XDH: variants seen among roughly 807,000 people sequenced by gnomAD.
The protein encoded by XDH is xanthine dehydrogenase, also known as xanthine dehydrogenase/oxidase.
In XDH, 138 loss-of-function variants were observed where a neutral mutation model predicts 156.1. That is an observed-to-expected ratio of 0.88 (90% CI 0.77 to 1.02). The LOEUF (loss-of-function observed/expected upper bound fraction) is 1.02. Ranked by LOEUF, XDH falls within the 50% of genes least tolerant of loss-of-function variation. The pLI, the probability that XDH is intolerant of heterozygous loss-of-function variation, is 0.00. For synonymous variants in XDH, 669 were observed against 625.7 expected, an observed-to-expected ratio of 1.07 and a Z score of -1.03; for missense variants, 1,849 against 1,684.9, an observed-to-expected ratio of 1.10 and a Z score of -1.71.
At chr2:31,406,423 T>C (rs1324173801) in intron 1 of XDH, among the ~76,000 whole-genome samples, 1 of 152,184 alleles carries the variant, frequency 6.6e-6, no homozygotes, top group African/African-American at 2.4e-5. Context: ...TCTTTTCTTA[T>C]AATTACCCAG....
chr2:31,364,852 C>A (rs559273097), intron 23 of XDH, among the ~76,000 whole-genome samples: 16 of 152,150 alleles, frequency 1.1e-4, no homozygotes, highest in Non-Finnish European at 2.2e-4. Context: ...AGGTCAAAGG[C>A]CATGTTCAAG....
intron 6 of XDH, among the ~76,000 whole-genome samples, chr2:31,395,602 C>T (rs1686881621): frequency 6.6e-6 from 1 of 151,992 alleles, no homozygotes. Flanking sequence ...AGAGCACCCG[C>T]TCCATGACTG....
At chr2:31,409,653 A>C (rs1189835474) in intron 1 of XDH, among the ~76,000 whole-genome samples, 1 of 152,238 alleles carries the variant, frequency 6.6e-6, no homozygotes, top group Non-Finnish European at 1.5e-5. Flanking sequence ...AAAGATGCTG[A>C]ACATCACTAA....
At position 31,355,699 on chromosome 2, in the gene XDH, A is replaced by G. The variant is rs561295062; in HGVS notation, c.2632-5476T>C. Among the ~76,000 whole-genome samples the G allele has an allele frequency of 4.7e-4, 71 of 152,128 alleles. 1 individual carries two copies. Among genetic ancestry groups the G allele is most frequent in the Admixed American group, 3.0e-3 (46 of 15,262 alleles). ...GTAACCCACCCACAGCAAGGCACAC[A>G]AAAGAATACAGAGAAATGAAAAGCT... On this transcript the variant is annotated intron_variant, in intron 24 of 35. Coordinates refer to ENST00000379416, the MANE Select transcript of XDH (RefSeq NM_000379.4).
intron 25 of XDH, 41 bp from the exon 26 acceptor site, chr2:31,349,872 G>A (rs371879076): frequency 6.2e-7 from 1 of 1,612,810 alleles, no homozygotes; most frequent in African/African-American, 1.3e-5. Flanking sequence ...TTGGCGGCAA[G>A]AGACTGTGGG....
At chr2:31,372,897 C>T (rs45604535) in intron 16 of XDH, among the ~76,000 whole-genome samples, 6,362 of 151,454 alleles carry the variant, frequency 0.042, 435 homozygotes, top group African/African-American at 0.15. Context: ...AATTTGCTCT[C>T]GGAGGTGGAA....
intron 33 of XDH, among the ~76,000 whole-genome samples, chr2:31,340,874 G>A (rs1685106943): frequency 6.6e-6 from 1 of 152,104 alleles, no homozygotes; most frequent in South Asian, 2.1e-4. Context: ...TGCTCCCAGG[G>A]CCTTCCACCA....
intron 24 of XDH, among the ~76,000 whole-genome samples, chr2:31,363,178 G>A (rs1299192761): frequency 6.6e-6 from 1 of 152,148 alleles, no homozygotes; most frequent in African/African-American, 2.4e-5. Flanking sequence ...CAGGCATAGG[G>A]GTGCATGCCT....
chr2:31,390,807 G>A (rs987653839), intron 6 of XDH, among the ~76,000 whole-genome samples: 26 of 152,100 alleles, frequency 1.7e-4, no homozygotes, highest in African/African-American at 5.8e-4. Flanking sequence ...ACCTTCTTTG[G>A]TGAGGTAGCT....
chr2:31,347,186 A>G (rs1263300705), intron 29 of XDH, among the ~76,000 whole-genome samples: 13 of 152,146 alleles, frequency 8.5e-5, no homozygotes, highest in Admixed American at 5.2e-4. Flanking sequence ...AGTGTGGCCA[A>G]CCTGCCTCTA....
chr2:31,357,232 G>A (rs141948171), intron 24 of XDH, among the ~76,000 whole-genome samples: 41 of 152,162 alleles, frequency 2.7e-4, no homozygotes, highest in African/African-American at 8.7e-4. Flanking sequence ...CAGAGTGAAC[G>A]AAATAATAAG....
chr2:31,404,348 G>A (rs1000530237), intron 2 of XDH, among the ~76,000 whole-genome samples: 2 of 152,174 alleles, frequency 1.3e-5, no homozygotes, highest in African/African-American at 4.8e-5. Context: ...GCAGTACAAA[G>A]TCTAGCAAGG....
chr2:31,338,762 C>T (rs551783407), intron 34 of XDH, among the ~76,000 whole-genome samples: 4 of 112,320 alleles, frequency 3.6e-5, no homozygotes, highest in South Asian at 3.2e-4. Flanking sequence ...CTCGCTCTGT[C>T]GCCCAGGCTG....
chr2:31,386,454 C>G lies in XDH; in HGVS notation c.753G>C (p.Gln251His). 1 of 1,614,044 alleles carries G rather than the reference C, an allele frequency of 6.2e-7. No homozygotes were observed. The highest frequency in any genetic ancestry group is 8.5e-7 in the Non-Finnish European group (1 of 1,180,032). Residue 251 changes from glutamine to histidine, a missense_variant, in exon 9 of 36, where the codon CAG becomes CAC. Gln to His is a conservative substitution (Grantham distance 24). Coordinates refer to ENST00000379416, the MANE Select transcript of XDH (RefSeq NM_000379.4). ...TLKELLDLKA[Q>H]HPDAKLVVGN... ...CCACGACCAGCTTGGCGTCAGGGTG[C>G]TGAGCCTTGAGGTCCAGCAGCTCCT...
chr2:31,383,354 G>A (rs992275618), intron 10 of XDH, among the ~76,000 whole-genome samples: 4 of 152,130 alleles, frequency 2.6e-5, no homozygotes, highest in African/African-American at 9.7e-5. Context: ...CAGTACTCAA[G>A]CTTGGGCCTC....
intron 4 of XDH, among the ~76,000 whole-genome samples, chr2:31,399,073 A>G (rs1286852592): frequency 5.3e-5 from 8 of 152,206 alleles, no homozygotes; most frequent in Admixed American, 5.2e-4. Flanking sequence ...CAGCTTCTGA[A>G]TGGATTGGGT....
chr2:31,371,134 A>C (rs1031486140), intron 17 of XDH, among the ~76,000 whole-genome samples: 1 of 152,228 alleles, frequency 6.6e-6, no homozygotes, highest in Admixed American at 6.5e-5. Context: ...CGAACCGCAA[A>C]GGGAGAATGC....
At chr2:31,381,172 T>A (rs1558698463) in intron 12 of XDH, among the ~76,000 whole-genome samples, 2 of 151,936 alleles carry the variant, frequency 1.3e-5, no homozygotes, top group Non-Finnish European at 2.9e-5. Flanking sequence ...ATTTTAGTGT[T>A]TTTAGTAGAC....
Position 31,387,894 on chromosome 2 carries a change from T to C in XDH, c.568A>G (p.Ser190Gly). Residue 190 changes from serine to glycine, a missense_variant, in exon 8 of 36, where the codon AGC becomes GGC. Coordinates refer to ENST00000379416, the MANE Select transcript of XDH (RefSeq NM_000379.4). ...CMNQKKDHSV[S>G]LSPSLFKPEE... ...GGTTTGAATAAAGATGGCGAGAGGC[T>C]GACCTATGGGGAAAGAGAACAGGTA... 6.3e-7 allele frequency: 1 copy of C among 1,579,324 alleles called. No individual in the cohort carries two copies.
Sources: allele counts gnomAD v4.1 joint callset (sites outside exome capture counted in the v4.1 genomes callset), GRCh38; gene constraint gnomAD v4.1.1; transcripts MANE v1.5; gene names NCBI Gene and HGNC (gene_info 2026-07-23, HGNC 2026-07-21).